COL24A1: variants seen among roughly 807,000 people sequenced by gnomAD.
COL24A1 encodes collagen type XXIV alpha 1 chain, also known as collagen alpha-1(XXIV) chain.
A neutral mutation model predicts 253.9 loss-of-function variants in COL24A1; 224 were observed. The ratio of observed to expected loss-of-function variants is 0.88; its 90% CI spans 0.79 to 0.99. COL24A1 has a LOEUF of 0.99. Ranked by LOEUF, COL24A1 falls within the 50% of genes least tolerant of loss-of-function variation. COL24A1 has a pLI of 0.00. For missense variants in COL24A1, 2,131 were observed against 2,068.5 expected (o/e 1.03, Z -0.59); for synonymous variants, 685 against 673.7 (o/e 1.02, Z -0.26).
At chr1:86,048,320 T>C (rs974822545) in intron 11 of COL24A1, among the ~76,000 whole-genome samples, 1 of 152,164 alleles carries the variant, frequency 6.6e-6, no homozygotes, top group Non-Finnish European at 1.5e-5. Context: ...CTCTATCTTA[T>C]TTTCTTCTGC....
intron 7 of COL24A1, among the ~76,000 whole-genome samples, chr1:86,088,496 A>C (rs1703241317): frequency 6.6e-6 from 1 of 152,048 alleles, no homozygotes; most frequent in Admixed American, 6.6e-5. Context: ...GTAGAAAAGA[A>C]GTTATACTTC....
chr1:85,820,565 C>T (rs1250680603), intron 45 of COL24A1, among the ~76,000 whole-genome samples: 1 of 152,180 alleles, frequency 6.6e-6, no homozygotes, highest in Non-Finnish European at 1.5e-5. Context: ...TCAGGGGACA[C>T]TAGTGTGAAC....
chr1:85,960,883 CAATAAATAAATAAATAAATA>C (rs71078631), intron 24 of COL24A1: 12 of 160,030 alleles, frequency 7.5e-5, no homozygotes, highest in South Asian at 4.1e-4. Context: ...GACTCCATCT[CAATAAATAAATAAATAAATA>C]AATAAATAAA....
intron 24 of COL24A1, among the ~76,000 whole-genome samples, chr1:85,916,786 CAGCAGGAAAT>C (rs952757716): frequency 2.0e-5 from 3 of 152,170 alleles, no homozygotes; most frequent in Non-Finnish European, 2.9e-5. Context: ...CATACATACA[CAGCAGGAAAT>C]AGCAGGAAAT....
At chr1:86,012,560 G>C (rs1228878106) in intron 19 of COL24A1, among the ~76,000 whole-genome samples, 1 of 152,188 alleles carries the variant, frequency 6.6e-6, no homozygotes, top group Non-Finnish European at 1.5e-5. Flanking sequence ...CTGCACTCCA[G>C]CCTGGGCAAC....
intron 5 of COL24A1, among the ~76,000 whole-genome samples, chr1:86,101,713 C>A (rs971649237): frequency 6.6e-6 from 1 of 152,116 alleles, no homozygotes; most frequent in African/African-American, 2.4e-5. Context: ...GTTGAAACAA[C>A]CTTGCATGGC....
chr1:85,761,711 T>A (rs1666868146), intron 53 of COL24A1, 145 bp from the exon 54 acceptor site: 1 of 713,670 alleles, frequency 1.4e-6, no homozygotes, highest in Admixed American at 2.6e-5. Flanking sequence ...TCTAAAGTTA[T>A]ATGCTGTGGT....
In COL24A1 at chr1:85,940,166, AG is replaced by A. The variant is rs1289331204; in HGVS notation, c.2562+21082del. Among the ~76,000 whole-genome samples, 3 of 78,442 alleles carry A rather than the reference AG, an allele frequency of 3.8e-5. 1 individual carries two copies. The highest frequency in any genetic ancestry group is 1.2e-4 in the African/African-American group (3 of 25,380). The allele number at this position is 78,442 out of a possible 152,430, so 51.5% of individuals were successfully genotyped here. A position where few individuals can be genotyped will look rare whatever the true frequency, so the allele number is the denominator to read the frequency against. On this transcript the variant is annotated intron_variant, in intron 24 of 59. Coordinates refer to ENST00000370571, the MANE Select transcript of COL24A1 (RefSeq NM_152890.7). ...ACGCCTGTAATCCCAGCACTTTGGG[AG>A]GCCGAGGCGGGCGGATCACGAGGTC... is the stretch of plus-strand genomic sequence containing the variant.
At chr1:85,935,050 A>G (rs914121516) in intron 24 of COL24A1, among the ~76,000 whole-genome samples, 1 of 152,158 alleles carries the variant, frequency 6.6e-6, no homozygotes, top group African/African-American at 2.4e-5. Context: ...GCAAAATAGT[A>G]TATTTTGCAA....
intron 5 of COL24A1, among the ~76,000 whole-genome samples, chr1:86,097,677 C>T (rs1439891291): frequency 6.7e-6 from 1 of 149,492 alleles, no homozygotes; most frequent in Non-Finnish European, 1.5e-5. Context: ...CCTCCTCCTC[C>T]TCCTTCTTCT....
At chr1:86,099,726 T>C (rs1368629479) in intron 5 of COL24A1, among the ~76,000 whole-genome samples, 1 of 152,110 alleles carries the variant, frequency 6.6e-6, no homozygotes, top group African/African-American at 2.4e-5. Context: ...CCTTTATCCA[T>C]GCCATCATCA....
At chr1:85,954,118 T>C (rs1236702466) in intron 24 of COL24A1, among the ~76,000 whole-genome samples, 5 of 152,180 alleles carry the variant, frequency 3.3e-5, no homozygotes, top group Admixed American at 2.6e-4. Flanking sequence ...CTAAGAAGGG[T>C]ACTCTCTTGT....
At chr1:85,834,416 C>T (rs1012281685) in intron 43 of COL24A1, among the ~76,000 whole-genome samples, 1 of 152,022 alleles carries the variant, frequency 6.6e-6, no homozygotes, top group African/African-American at 2.4e-5. Context: ...GAATTGAGGA[C>T]ATAACAAGAG....
chr1:85,877,113 A>G lies in COL24A1; in HGVS notation c.3030+9T>C. 6.2e-7 allele frequency: 1 copy of G among 1,600,508 alleles called. No individual in the cohort carries two copies. Among genetic ancestry groups the G allele is most frequent in the Non-Finnish European group, 8.5e-7 (1 of 1,173,834 alleles). On this transcript the variant is annotated intron_variant, in intron 33 of 59. Coordinates refer to ENST00000370571, the MANE Select transcript of COL24A1 (RefSeq NM_152890.7). ...ATTTATGAAGAAGAACTAGCCACAA[A>G]AAATTTACCTCCATGCCCATTTCTC...
chr1:85,742,664 C>T (rs533297907), intron 57 of COL24A1, among the ~76,000 whole-genome samples: 1 of 152,114 alleles, frequency 6.6e-6, no homozygotes, highest in Admixed American at 6.5e-5. Flanking sequence ...TCCAAAATTG[C>T]ATCTCCTGTT....
At chr1:85,773,746 C>T (rs1208204937) in intron 53 of COL24A1, among the ~76,000 whole-genome samples, 1 of 152,144 alleles carries the variant, frequency 6.6e-6, no homozygotes, top group Non-Finnish European at 1.5e-5. Context: ...GCTGAAGTTG[C>T]TTATCAGCTT....
intron 2 of COL24A1, among the ~76,000 whole-genome samples, chr1:86,135,310 C>T (rs563400466): frequency 9.9e-5 from 15 of 152,032 alleles, no homozygotes; most frequent in Non-Finnish European, 8.8e-5. Context: ...TCCAATTTGC[C>T]GGTCTGTGTC....
intron 4 of COL24A1, 118 bp from the exon 5 acceptor site, chr1:86,112,738 T>C (rs911447642): frequency 4.7e-6 from 4 of 855,920 alleles, no homozygotes; most frequent in South Asian, 2.2e-5. Flanking sequence ...TTTGCTTATG[T>C]TATTATGTAT....
At chr1:85,928,078 T>G (rs4411149) in intron 24 of COL24A1, among the ~76,000 whole-genome samples, 8,469 of 53,772 alleles carry the variant, frequency 0.16, 902 homozygotes, top group Non-Finnish European at 0.2. Context: ...CAAAGCTGGA[T>G]GGAGAATGAT....
Sources: allele counts gnomAD v4.1 joint callset (sites outside exome capture counted in the v4.1 genomes callset), GRCh38; gene constraint gnomAD v4.1.1; transcripts MANE v1.5; gene names NCBI Gene and HGNC (gene_info 2026-07-23, HGNC 2026-07-21).